Variants in NFKB1 observed in about 807,000 individuals in gnomAD.
The protein encoded by NFKB1 is nuclear factor NF-kappa-B p105 subunit.
In NFKB1, 9 loss-of-function variants were observed where a neutral mutation model predicts 105.1. That is an observed-to-expected ratio of 0.09 (90% CI 0.05 to 0.15). The LOEUF is 0.15. NFKB1 is among the 10% of genes least tolerant of loss of function. The pLI is 1.00. For missense variants in NFKB1, 830 were observed against 1,203.7 expected (o/e 0.69, Z 4.59); for synonymous variants, 440 against 442.2 (o/e 1.00, Z 0.06).
intron 23 of NFKB1, among the ~76,000 whole-genome samples, chr4:102,614,087 CTTTCTA>C (rs1168226570): frequency 6.6e-6 from 1 of 152,146 alleles, no homozygotes; most frequent in Non-Finnish European, 1.5e-5. Flanking sequence ...TGATTCCATG[CTTTCTA>C]TTTCTAAACC....
intron 5 of NFKB1, among the ~76,000 whole-genome samples, chr4:102,562,464 G>A (rs746292502): frequency 2.0e-5 from 3 of 152,176 alleles, no homozygotes; most frequent in Non-Finnish European, 4.4e-5. Context: ...ACTGCAGTGT[G>A]TGGAACATAG....
intron 5 of NFKB1, among the ~76,000 whole-genome samples, chr4:102,565,986 G>A (rs1355369442): frequency 6.6e-6 from 1 of 152,132 alleles, no homozygotes; most frequent in Non-Finnish European, 1.5e-5. Context: ...AGATTATAGT[G>A]CATTTCCAAG....
intron 6 of NFKB1, among the ~76,000 whole-genome samples, chr4:102,570,803 A>G (rs1724275475): frequency 6.6e-6 from 1 of 152,208 alleles, no homozygotes; most frequent in Non-Finnish European, 1.5e-5. Flanking sequence ...TTCAAGGAGA[A>G]CTACAAACCC....
chr4:102,585,082 G>A (rs1725610965), intron 11 of NFKB1, among the ~76,000 whole-genome samples: 1 of 151,720 alleles, frequency 6.6e-6, no homozygotes, highest in African/African-American at 2.4e-5. Flanking sequence ...TAGAAATGAG[G>A]ACTTCCTACA....
At chr4:102,592,846 C>T (rs1726286549) in intron 11 of NFKB1, among the ~76,000 whole-genome samples, 2 of 152,154 alleles carry the variant, frequency 1.3e-5, no homozygotes, top group African/African-American at 4.8e-5. Flanking sequence ...TCCCATCCCT[C>T]AGTGAACTCC....
chr4:102,576,890 G>T lies in NFKB1; in HGVS notation c.422G>T (p.Gly141Val). 1 of 1,612,030 alleles carries T rather than the reference G, an allele frequency of 6.2e-7. No individual in the cohort carries two copies. The highest frequency in any genetic ancestry group is 8.5e-7 in the Non-Finnish European group (1 of 1,179,312). Residue 141 changes from glycine (G) to valine (V), a missense_variant, in exon 7 of 24, where the codon GGT becomes GTT. Gly to Val is a moderately radical substitution (Grantham distance 109). Around this residue, in one of 8 missense-constraint regions of NFKB1, gnomAD observed 64 missense variants for 79.9 expected, o/e 0.80. Coordinates refer to ENST00000226574, the MANE Select transcript of NFKB1 (RefSeq NM_003998.4). ...TTTTTCTCCAGCTTCGCAAACCTGG[G>T]TATACTTCATGTGACAAAGAAAAAA... Reference protein sequence around the residue: ...KDMVVGFANLGILHVTKKKVF... With the variant: ...KDMVVGFANLVILHVTKKKVF...
intron 16 of NFKB1, among the ~76,000 whole-genome samples, chr4:102,602,717 T>C (rs1727294335): frequency 6.6e-6 from 1 of 152,192 alleles, no homozygotes; most frequent in Admixed American, 6.5e-5. Context: ...CACTGGCTCT[T>C]GTGCTTCTTG....
chr4:102,616,611 C>A lies in NFKB1; in HGVS notation c.*17C>A. The A allele has an allele frequency of 6.2e-7, 1 of 1,612,570 alleles. No individual in the cohort carries two copies. Among genetic ancestry groups the A allele is most frequent in the Non-Finnish European group, 8.5e-7 (1 of 1,179,296 alleles). ...AAAATTTAGCCTGCTGACAATTTCC[C>A]ACACCGTGTAAACCAAAGCCCTAAA... On this transcript the variant is annotated 3_prime_UTR_variant, in exon 24 of 24. Transcript: ENST00000226574.
At chr4:102,531,382 G>A (rs1315487254) in intron 3 of NFKB1, among the ~76,000 whole-genome samples, 1 of 152,046 alleles carries the variant, frequency 6.6e-6, no homozygotes, top group African/African-American at 2.4e-5. Context: ...CCTCTTCATT[G>A]CAGTGTCATA....
chr4:102,579,024 G>T lies in NFKB1; in HGVS notation c.715G>T (p.Ala239Ser). 1 of 1,613,942 alleles carries T rather than the reference G, an allele frequency of 6.2e-7. No individual in the cohort carries two copies. The highest frequency in any genetic ancestry group is 8.5e-7 in the Non-Finnish European group (1 of 1,179,936). ...TRRLEPVVSD[A>S]IYDSKAPNAS... ...GCGCCTGGAACCCGTGGTATCAGAC[G>T]CCATCTATGACAGTAGTGAGTACTT... Residue 239 changes from alanine to serine, a missense_variant, in exon 8 of 24, where the codon GCC (alanine) becomes TCC (serine). Around this residue, in one of 8 missense-constraint regions of NFKB1, gnomAD observed 80 missense variants for 122.6 expected, o/e 0.65. Coordinates refer to ENST00000226574, the MANE Select transcript of NFKB1 (RefSeq NM_003998.4).
intron 6 of NFKB1, among the ~76,000 whole-genome samples, chr4:102,573,277 C>T (rs934164099): frequency 1.3e-5 from 2 of 152,070 alleles, no homozygotes; most frequent in South Asian, 2.1e-4. Flanking sequence ...AATTGCACTC[C>T]GGCCTGCGCA....
At chr4:102,543,457 A>G (rs2149134347) in intron 5 of NFKB1, among the ~76,000 whole-genome samples, 1 of 152,344 alleles carries the variant, frequency 6.6e-6, no homozygotes, top group South Asian at 2.1e-4. Flanking sequence ...CCCAGCTGAT[A>G]GAAGTGTAAC....
chr4:102,594,536 T>G (rs1037568935), intron 12 of NFKB1, among the ~76,000 whole-genome samples: 1 of 152,134 alleles, frequency 6.6e-6, no homozygotes, highest in Non-Finnish European at 1.5e-5. Context: ...TTGATTAAGT[T>G]TTTTTCCTCA....
Position 102,526,249 on chromosome 4 carries a change from C to T in NFKB1, c.39+692C>T, listed in dbSNP as rs973321184. ...AAAGGTGTCTTTTTGGGAGGGAACA[C>T]AGTTTAACCCACTACAGCCCCTTGA... On this transcript the variant is annotated intron_variant, in intron 2 of 23. Transcript: ENST00000226574. Among the ~76,000 whole-genome samples, 4 of 152,078 alleles carry T rather than the reference C, an allele frequency of 2.6e-5. No individual in the cohort carries two copies. In the South Asian group the frequency reaches 8.3e-4, roughly 32 times the overall value.
chr4:102,546,107 A>C (rs1424806148), intron 5 of NFKB1, among the ~76,000 whole-genome samples: 1 of 152,100 alleles, frequency 6.6e-6, no homozygotes, highest in Non-Finnish European at 1.5e-5. Flanking sequence ...AATTTTTTAA[A>C]GAAAAAAAAC....
At chr4:102,552,884 C>T (rs559733614) in intron 5 of NFKB1, among the ~76,000 whole-genome samples, 7 of 152,144 alleles carry the variant, frequency 4.6e-5, no homozygotes, top group South Asian at 2.1e-4. Context: ...CATCATAGTA[C>T]GTAGATGGTA....
intron 1 of NFKB1, among the ~76,000 whole-genome samples, chr4:102,523,085 C>A (rs1197276275): frequency 6.6e-6 from 1 of 152,134 alleles, no homozygotes; most frequent in African/African-American, 2.4e-5. Context: ...TTTCAAAAAT[C>A]CATTCCATCA....
At chr4:102,555,713 G>A (rs1224248737) in intron 5 of NFKB1, among the ~76,000 whole-genome samples, 1 of 152,218 alleles carries the variant, frequency 6.6e-6, no homozygotes, top group Non-Finnish European at 1.5e-5. Context: ...ATGGAGAATA[G>A]TAAATAATTT....
At chr4:102,535,912 G>A (rs200914442) in intron 4 of NFKB1, among the ~76,000 whole-genome samples, 1 of 147,574 alleles carries the variant, frequency 6.8e-6, no homozygotes, top group Non-Finnish European at 1.5e-5. Context: ...TTTTTTTTAA[G>A]TTAGAAAAAG....
Sources: allele counts gnomAD v4.1 joint callset (sites outside exome capture counted in the v4.1 genomes callset), GRCh38; gene constraint gnomAD v4.1.1; regional missense constraint gnomAD v4.1.1; transcripts MANE v1.5; gene names NCBI Gene and HGNC (gene_info 2026-07-23, HGNC 2026-07-21).